The following TRABD2B variants were observed in gnomAD, a reference collection of about 807,000 sequenced individuals.
TRABD2B encodes metalloprotease TIKI2.
TRABD2B carries 14 observed loss-of-function variants against 40.1 expected under a neutral mutation model. That is an observed-to-expected ratio of 0.35 (90% CI 0.23 to 0.55). The LOEUF is 0.55. TRABD2B is among the 20% of genes least tolerant of loss of function. The pLI is 0.90. For synonymous variants in TRABD2B, 263 were observed against 277.0 expected (o/e 0.95, Z 0.50); for missense variants, 541 against 648.6 (o/e 0.83, Z 1.80).
In TRABD2B at chr1:47,784,101, C is replaced by T. The variant is rs538794298; in HGVS notation, c.989-5557G>A. On this transcript the variant is annotated intron_variant, in intron 4 of 6. Coordinates refer to ENST00000606738, the MANE Select transcript of TRABD2B (RefSeq NM_001194986.2). ...ACGTCATTTCATTTCATCCTTGCAG[C>T]GGCCCTTTGAGGTGTTGCCAGTTTC... Among the ~76,000 whole-genome samples the T allele has an allele frequency of 2.4e-4, 36 of 152,176 alleles. 1 individual carries two copies. The highest frequency in any genetic ancestry group is 4.0e-4 in the Non-Finnish European group (27 of 68,036).
chr1:47,870,637 C>T (rs150838928), intron 2 of TRABD2B, among the ~76,000 whole-genome samples: 2 of 152,316 alleles, frequency 1.3e-5, no homozygotes, highest in East Asian at 3.9e-4. Flanking sequence ...AGGCCTTGTG[C>T]TTGTGTTAGT....
Position 47,804,848 on chromosome 1 carries a change from A to C in TRABD2B, c.667-3229T>G, listed in dbSNP as rs1477254484. Among the ~76,000 whole-genome samples, 9 of 152,310 alleles carry C rather than the reference A, an allele frequency of 5.9e-5. No individual in the cohort carries two copies. In the East Asian group the frequency reaches 1.7e-3, roughly 29 times the overall value. ...CCATGTTCTTGCTGTTGTTTTCCAA[A>C]GGAATCTTACTTAGAACTCAAAATA... On this transcript the variant is annotated intron_variant, in intron 2 of 6. Transcript: ENST00000606738.
At chr1:47,859,248 T>C (rs1358764018) in intron 2 of TRABD2B, among the ~76,000 whole-genome samples, 8 of 152,162 alleles carry the variant, frequency 5.3e-5, no homozygotes, top group African/African-American at 1.9e-4. Flanking sequence ...CTAACCCATC[T>C]GGCCTGCTCC....
chr1:47,936,254 A>G (rs574253504), intron 2 of TRABD2B, among the ~76,000 whole-genome samples: 3 of 152,218 alleles, frequency 2.0e-5, no homozygotes, highest in Non-Finnish European at 4.4e-5. Flanking sequence ...CTTCTTCATC[A>G]TTTATAGACT....
At chr1:47,863,698 CA>C (rs1644012068) in intron 2 of TRABD2B, among the ~76,000 whole-genome samples, 1 of 152,044 alleles carries the variant, frequency 6.6e-6, no homozygotes, top group African/African-American at 2.4e-5. Context: ...TTAGGTCTTA[CA>C]AAATTAAACA....
At chr1:47,855,323 C>T (rs1286538913) in intron 2 of TRABD2B, among the ~76,000 whole-genome samples, 3 of 152,176 alleles carry the variant, frequency 2.0e-5, no homozygotes, top group African/African-American at 2.4e-5. Context: ...GTTCCCTTTC[C>T]TCTCCTTAAT....
intron 2 of TRABD2B, among the ~76,000 whole-genome samples, chr1:47,983,691 A>G (rs1645874652): frequency 6.6e-6 from 1 of 151,398 alleles, no homozygotes; most frequent in Non-Finnish European, 1.5e-5. Context: ...GGGGGTCCCA[A>G]CGCCTGGCAC....
At chr1:47,968,915 C>T (rs1207143593) in intron 2 of TRABD2B, among the ~76,000 whole-genome samples, 1 of 152,188 alleles carries the variant, frequency 6.6e-6, no homozygotes, top group Non-Finnish European at 1.5e-5. Context: ...AGAGTAGGGG[C>T]TCAGTAATAA....
At chr1:47,883,714 G>C (rs1046697628) in intron 2 of TRABD2B, among the ~76,000 whole-genome samples, 1 of 152,216 alleles carries the variant, frequency 6.6e-6, no homozygotes, top group Non-Finnish European at 1.5e-5. Flanking sequence ...CCAACTACAG[G>C]GAGGCAGATG....
intron 2 of TRABD2B, among the ~76,000 whole-genome samples, chr1:47,859,014 A>G (rs1301516029): frequency 1.3e-5 from 2 of 152,122 alleles, no homozygotes. Flanking sequence ...ACATACTCGC[A>G]GGCTGGTCTT....
At chr1:47,810,288 T>C (rs1382138524) in intron 2 of TRABD2B, among the ~76,000 whole-genome samples, 2 of 152,162 alleles carry the variant, frequency 1.3e-5, no homozygotes, top group Non-Finnish European at 2.9e-5. Context: ...TGCTGCAGCC[T>C]GAGCCTCCTG....
rs1645467075 is a variant in TRABD2B, at chr1:47,958,942, G to A, written c.666+35092C>T. On this transcript the variant is annotated intron_variant, in intron 2 of 6. Transcript: ENST00000606738. The stretch of plus-strand genomic sequence containing the variant: ...CAGCACCACATCACACTTATTCCAA[G>A]ATTGACCACATAGTTGGAAGTAAAG... 3.9e-5 allele frequency among the ~76,000 whole-genome samples: 6 copies of A among 152,144 alleles called. No individual in the cohort carries two copies. In the South Asian group the frequency reaches 1.2e-3, roughly 32 times the overall value.
At chr1:47,878,766 T>C (rs1185079909) in intron 2 of TRABD2B, among the ~76,000 whole-genome samples, 1 of 152,146 alleles carries the variant, frequency 6.6e-6, no homozygotes, top group South Asian at 2.1e-4. Flanking sequence ...GTTTTTATTA[T>C]GGTATTCACA....
At chr1:47,873,172 C>T (rs965530540) in intron 2 of TRABD2B, among the ~76,000 whole-genome samples, 1 of 152,100 alleles carries the variant, frequency 6.6e-6, no homozygotes, top group Non-Finnish European at 1.5e-5. Flanking sequence ...GCCCTCATGA[C>T]CTAATTGCCT....
intron 6 of TRABD2B, among the ~76,000 whole-genome samples, chr1:47,774,961 T>C (rs1644423656): frequency 6.6e-6 from 1 of 152,250 alleles, no homozygotes; most frequent in Non-Finnish European, 1.5e-5. Context: ...ACCTTTAAGG[T>C]GCAGAGAATT....
chr1:47,831,524 T>C (rs1049115194), intron 2 of TRABD2B, among the ~76,000 whole-genome samples: 1 of 152,172 alleles, frequency 6.6e-6, no homozygotes, highest in Admixed American at 6.5e-5. Flanking sequence ...ACAGGGTGTG[T>C]GCTCTGGGCA....
chr1:47,868,357 G>A (rs1644089665), intron 2 of TRABD2B, among the ~76,000 whole-genome samples: 1 of 152,192 alleles, frequency 6.6e-6, no homozygotes, highest in African/African-American at 2.4e-5. Flanking sequence ...GAGGAAGGAA[G>A]GACAGAAGGA....
At chr1:47,983,069 A>G (rs1645864119) in intron 2 of TRABD2B, among the ~76,000 whole-genome samples, 1 of 152,248 alleles carries the variant, frequency 6.6e-6, no homozygotes, top group African/African-American at 2.4e-5. Context: ...AATAGCAAAG[A>G]CATGGAATCA....
Position 47,938,451 on chromosome 1 carries a change from G to A in TRABD2B, c.666+55583C>T, listed in dbSNP as rs143465531. Among the ~76,000 whole-genome samples the A allele has an allele frequency of 3.3e-3, 498 of 152,328 alleles. 6 individuals are homozygous for A. The highest frequency in any genetic ancestry group is 5.1e-3 in the Non-Finnish European group (346 of 68,028). On this transcript the variant is annotated intron_variant, in intron 2 of 6. Coordinates refer to ENST00000606738, the MANE Select transcript of TRABD2B (RefSeq NM_001194986.2). Reference sequence around the variant, plus strand: ...TGTCTCAAGTCCTGGACTAAACATAGTGGTGGATAGGGAGGTAGGAAGCAG... The same window carrying A: ...TGTCTCAAGTCCTGGACTAAACATAATGGTGGATAGGGAGGTAGGAAGCAG...
Sources: gnomAD v4.1 joint callset for allele counts (sites outside exome capture counted in the v4.1 genomes callset) on GRCh38, gnomAD v4.1.1 for gene constraint, MANE v1.5 for transcripts, NCBI Gene and HGNC (gene_info 2026-07-23, HGNC 2026-07-21) for gene names.